The following CSMD1 variants were observed in gnomAD, a reference collection of about 807,000 sequenced individuals.
The protein encoded by CSMD1 is CUB and sushi domain-containing protein 1.
In CSMD1, 213 loss-of-function variants were observed where a neutral mutation model predicts 417.5. The ratio of observed to expected loss-of-function variants is 0.51; its 90% CI spans 0.46 to 0.57. CSMD1 has a LOEUF of 0.57. CSMD1 is among the 20% of genes least tolerant of loss of function. The pLI, the probability that CSMD1 is intolerant of heterozygous loss-of-function variation, is 0.00. For missense variants in CSMD1, 6,923 were observed against 4,529.7 expected, an observed-to-expected ratio of 1.53 and a Z score of -15.17; for synonymous variants, 2,862 against 1,736.8, an observed-to-expected ratio of 1.65 and a Z score of -16.11.
intron 6 of CSMD1, among the ~76,000 whole-genome samples, chr8:3,736,464 C>T (rs62480991): frequency 0.26 from 39,777 of 151,840 alleles, 6,070 homozygotes; most frequent in South Asian, 0.38. Context: ...AGGCTTGTCT[C>T]GAAATCTTGG....
At chr8:4,339,690 G>C (rs1272735709) in intron 3 of CSMD1, among the ~76,000 whole-genome samples, 1 of 152,090 alleles carries the variant, frequency 6.6e-6, no homozygotes, top group African/African-American at 2.4e-5. Context: ...ACAGTTTCCA[G>C]GTTTGAGTGA....
At chr8:3,153,134 G>C (rs966735162) in intron 39 of CSMD1, among the ~76,000 whole-genome samples, 1 of 152,104 alleles carries the variant, frequency 6.6e-6, no homozygotes, top group African/African-American at 2.4e-5. Flanking sequence ...AAAGAAACCG[G>C]CTAAACCCAC....
chr8:4,181,425 G>C (rs188510642), intron 3 of CSMD1, among the ~76,000 whole-genome samples: 1 of 151,136 alleles, frequency 6.6e-6, no homozygotes, highest in Admixed American at 6.6e-5. Flanking sequence ...TGGCTTCCCT[G>C]GGCAACATTG....
chr8:3,702,498 G>A (rs577390666), intron 7 of CSMD1, among the ~76,000 whole-genome samples: 1 of 152,180 alleles, frequency 6.6e-6, no homozygotes, highest in Non-Finnish European at 1.5e-5. Flanking sequence ...ATGCTCAGAA[G>A]AAGAAGAAGA....
chr8:3,375,822 A>G (rs774320027), intron 18 of CSMD1, among the ~76,000 whole-genome samples: 3 of 152,118 alleles, frequency 2.0e-5, no homozygotes, highest in Non-Finnish European at 4.4e-5. Context: ...TTTGATCATC[A>G]TCTACCTTCA....
At chr8:3,899,066 G>A (rs956017407) in intron 5 of CSMD1, among the ~76,000 whole-genome samples, 3 of 152,182 alleles carry the variant, frequency 2.0e-5, no homozygotes, top group Non-Finnish European at 4.4e-5. Flanking sequence ...TCAATAAAAT[G>A]AGGAATAAAT....
chr8:3,001,017 T>C (rs1807362125), intron 52 of CSMD1, among the ~76,000 whole-genome samples: 1 of 151,604 alleles, frequency 6.6e-6, no homozygotes, highest in Non-Finnish European at 1.5e-5. Context: ...TCTTGCTCTG[T>C]CACTCAAGCT....
intron 5 of CSMD1, among the ~76,000 whole-genome samples, chr8:3,793,035 G>A (rs982856884): frequency 3.3e-5 from 5 of 152,166 alleles, no homozygotes; most frequent in Non-Finnish European, 7.3e-5. Flanking sequence ...CTGAGGATGG[G>A]CGAGTGCTAA....
intron 7 of CSMD1, among the ~76,000 whole-genome samples, chr8:3,617,089 C>T (rs10103464): frequency 0.019 from 2,964 of 152,064 alleles, 100 homozygotes; most frequent in African/African-American, 0.066. Flanking sequence ...TACTTTTATG[C>T]CAGGTCACAA....
chr8:4,235,273 A>G (rs550159666), intron 3 of CSMD1, among the ~76,000 whole-genome samples: 79 of 152,336 alleles, frequency 5.2e-4, no homozygotes, highest in Admixed American at 5.1e-3. Context: ...GCTACATCAT[A>G]AAACTCACAT....
chr8:3,422,141 T>C (rs1813530534), intron 12 of CSMD1, among the ~76,000 whole-genome samples: 1 of 152,134 alleles, frequency 6.6e-6, no homozygotes, highest in South Asian at 2.1e-4. Context: ...CACTCTACTC[T>C]GCACCAGTGT....
At chr8:4,674,308 T>A (rs7831338) in intron 1 of CSMD1, among the ~76,000 whole-genome samples, 1 of 151,772 alleles carries the variant, frequency 6.6e-6, no homozygotes, top group African/African-American at 2.4e-5. Context: ...TGGACCTGGA[T>A]TGAGGCTGAA....
At chr8:4,450,983 C>A (rs1044356077) in intron 2 of CSMD1, among the ~76,000 whole-genome samples, 4 of 151,440 alleles carry the variant, frequency 2.6e-5, no homozygotes, top group African/African-American at 9.7e-5. Flanking sequence ...TATTTGGGTA[C>A]TGAATTGACA....
chr8:4,100,444 C>G (rs994630091), intron 3 of CSMD1, among the ~76,000 whole-genome samples: 3 of 152,196 alleles, frequency 2.0e-5, no homozygotes, highest in Non-Finnish European at 4.4e-5. Context: ...ATCAAATTCA[C>G]TATCCTTTTA....
At chr8:4,144,518 C>T (rs1803991529) in intron 3 of CSMD1, among the ~76,000 whole-genome samples, 1 of 151,044 alleles carries the variant, frequency 6.6e-6, no homozygotes, top group Non-Finnish European at 1.5e-5. Flanking sequence ...AATGCTTCAC[C>T]TCATTACCCC....
At chr8:4,315,692 C>T (rs184461172) in intron 3 of CSMD1, among the ~76,000 whole-genome samples, 42 of 152,108 alleles carry the variant, frequency 2.8e-4, no homozygotes, top group African/African-American at 9.4e-4. Context: ...ATAAAATAGC[C>T]ATTGAAGTCA....
chr8:2,999,986 C>A lies in CSMD1; in HGVS notation c.8175G>T (p.Lys2725Asn), dbSNP rs1346723439. 6.2e-7 allele frequency: 1 copy of A among 1,609,870 alleles called. No homozygotes were observed. Residue 2725 changes from lysine (K) to asparagine (N), a missense_variant, in exon 53 of 70, where the codon AAG (lysine) becomes AAT (asparagine). Coordinates refer to ENST00000635120, the MANE Select transcript of CSMD1 (RefSeq NM_033225.6). Reference sequence around the variant, plus strand: ...CACAGACAGGCGTTTGTCCAGACCACTTGTGGTCTTGCAGGCATATCCTCA... The same window carrying A: ...CACAGACAGGCGTTTGTCCAGACCAATTGTGGTCTTGCAGGCATATCCTCA... ...TSVRICLQDH[K>N]WSGQTPVCVP...
chr8:4,324,409 C>T (rs184697225), intron 3 of CSMD1, among the ~76,000 whole-genome samples: 66 of 152,186 alleles, frequency 4.3e-4, no homozygotes, highest in Non-Finnish European at 6.9e-4. Flanking sequence ...GGGTTCCTCA[C>T]CCTGGCAGGA....
intron 10 of CSMD1, among the ~76,000 whole-genome samples, chr8:3,539,233 C>A (rs1001238622): frequency 1.3e-5 from 2 of 152,166 alleles, no homozygotes; most frequent in Non-Finnish European, 2.9e-5. Context: ...TCATGTGTAT[C>A]ATTAATCCTT....
Sources: gnomAD v4.1 joint callset for allele counts (sites outside exome capture counted in the v4.1 genomes callset) on GRCh38, gnomAD v4.1.1 for gene constraint, MANE v1.5 for transcripts, NCBI Gene and HGNC (gene_info 2026-07-23, HGNC 2026-07-21) for gene names.